MAPRE2: variants seen among roughly 807,000 people sequenced by gnomAD.
MAPRE2 encodes microtubule associated protein RP/EB family member 2, also known as microtubule-associated protein RP/EB family member 2.
In MAPRE2, 13 loss-of-function variants were observed where a neutral mutation model predicts 43.2. That is an observed-to-expected ratio of 0.30 (90% CI 0.20 to 0.48). The LOEUF is 0.48. MAPRE2 is among the 20% of genes least tolerant of loss of function. The probability of loss-of-function intolerance (pLI) is 0.99; values close to 1 mark genes in which losing one functional copy is unlikely to be tolerated. For synonymous variants in MAPRE2, 135 were observed against 148.8 expected, an observed-to-expected ratio of 0.91 and a Z score of 0.68; for missense variants, 161 against 400.2, an observed-to-expected ratio of 0.40 and a Z score of 5.10.
intron 1 of MAPRE2, chr18:35,005,395 G>A: frequency 1.5e-6 from 1 of 648,700 alleles, no homozygotes; most frequent in Non-Finnish European, 2.6e-6. Context: ...TTCCATTGCT[G>A]GCCACACCCA....
intron 1 of MAPRE2, among the ~76,000 whole-genome samples, chr18:34,980,406 T>C (rs1335316037): frequency 6.6e-6 from 1 of 152,088 alleles, no homozygotes; most frequent in Non-Finnish European, 1.5e-5. Flanking sequence ...TATCTGAACC[T>C]CTCTTAGAGC....
chr18:34,997,581 T>C (rs2551482), intron 1 of MAPRE2, among the ~76,000 whole-genome samples: 108,331 of 152,150 alleles, frequency 0.71, 38,818 homozygotes, highest in Non-Finnish European at 0.74. Flanking sequence ...TTTGGGAGGC[T>C]GAGGCGGGCG....
intron 1 of MAPRE2, among the ~76,000 whole-genome samples, chr18:35,048,418 ATG>A (rs888675912): frequency 2.6e-4 from 39 of 151,390 alleles, no homozygotes; most frequent in African/African-American, 4.8e-4. Flanking sequence ...TATACTATAT[ATG>A]TGTGTGTGTG....
At chr18:34,989,365 C>T (rs2097022595) in intron 1 of MAPRE2, among the ~76,000 whole-genome samples, 1 of 152,040 alleles carries the variant, frequency 6.6e-6, no homozygotes, top group Non-Finnish European at 1.5e-5. Context: ...CCTGGATGTC[C>T]TAGTTGATTC....
At chr18:35,028,509 TC>T (rs1568976258) in intron 2 of MAPRE2, among the ~76,000 whole-genome samples, 1 of 152,050 alleles carries the variant, frequency 6.6e-6, no homozygotes, top group Non-Finnish European at 1.5e-5. Context: ...GAAGATAACA[TC>T]CCCCAACCCC....
At chr18:35,084,316 T>A (rs190078886) in intron 2 of MAPRE2, among the ~76,000 whole-genome samples, 338 of 152,186 alleles carry the variant, frequency 2.2e-3, no homozygotes, top group African/African-American at 7.8e-3. Flanking sequence ...TTTAAAAAAG[T>A]ATTCTTGGTT....
intron 5 of MAPRE2, 91 bp from the exon 6 acceptor site, chr18:35,131,941 C>T: frequency 8.0e-7 from 1 of 1,248,876 alleles, no homozygotes; most frequent in Non-Finnish European, 1.1e-6. Flanking sequence ...CTCTCTCTCT[C>T]TCTCTTTTGG....
chr18:35,112,723 T>C (rs1433982527), intron 4 of MAPRE2, among the ~76,000 whole-genome samples: 3 of 152,226 alleles, frequency 2.0e-5, no homozygotes, highest in Non-Finnish European at 4.4e-5. Context: ...ATGTGTAAGA[T>C]GTATAAAAGA....
At chr18:35,124,822 C>A (rs1909836673) in intron 4 of MAPRE2, among the ~76,000 whole-genome samples, 1 of 152,212 alleles carries the variant, frequency 6.6e-6, no homozygotes, top group South Asian at 2.1e-4. Context: ...CCTGCCTCCC[C>A]TGCCTGCTTG....
At chr18:35,003,521 ATTC>A (rs1288809509) in intron 1 of MAPRE2, among the ~76,000 whole-genome samples, 1 of 152,154 alleles carries the variant, frequency 6.6e-6, no homozygotes, top group African/African-American at 2.4e-5. Context: ...AAATAATGTC[ATTC>A]TTCTCCAAAC....
rs902230852 is a variant in MAPRE2 at position 35,070,604 on chromosome 18, T to C, written c.250+282T>C. 10 of 212,184 alleles carry C rather than the reference T, an allele frequency of 4.7e-5. No individual in the cohort carries two copies. In the East Asian group the frequency reaches 1.1e-3, roughly 23 times the overall value. The allele number at this position is 212,184 out of a possible 1,614,324, so 13.1% of individuals were successfully genotyped here. The stretch of plus-strand genomic sequence containing the variant: ...CTGGCTCCTAGCCTCTTCTCTGTCA[T>C]CCCATCTGCCATCACACTTGCCTCC... On this transcript the variant is annotated intron_variant, in intron 2 of 6. Transcript: ENST00000300249.
At chr18:35,046,136 T>G (rs1905611016) in intron 1 of MAPRE2, among the ~76,000 whole-genome samples, 1 of 152,208 alleles carries the variant, frequency 6.6e-6, no homozygotes, top group South Asian at 2.1e-4. Context: ...AATTCTAGAT[T>G]AATTGGAAGG....
chr18:34,984,837 T>G (rs1257407630), intron 1 of MAPRE2, among the ~76,000 whole-genome samples: 1 of 125,876 alleles, frequency 7.9e-6, no homozygotes, highest in South Asian at 2.2e-4. Context: ...TATATAATAT[T>G]TTATATGTTA....
At chr18:35,073,608 C>G (rs1029229359) in intron 2 of MAPRE2, among the ~76,000 whole-genome samples, 2 of 152,152 alleles carry the variant, frequency 1.3e-5, no homozygotes, top group African/African-American at 2.4e-5. Context: ...ACTTACGCTC[C>G]AATCCTGGTG....
chr18:35,036,047 C>G (rs2097050395), intron 2 of MAPRE2, among the ~76,000 whole-genome samples: 1 of 150,980 alleles, frequency 6.6e-6, no homozygotes, highest in African/African-American at 2.4e-5. Flanking sequence ...AGGTACTTCT[C>G]TATGTCCAAA....
At chr18:35,134,273 C>G (rs964677025) in intron 6 of MAPRE2, among the ~76,000 whole-genome samples, 3 of 152,174 alleles carry the variant, frequency 2.0e-5, no homozygotes, top group African/African-American at 7.2e-5. Flanking sequence ...AATCTGAATC[C>G]TGAGTTTATG....
intron 2 of MAPRE2, among the ~76,000 whole-genome samples, chr18:35,079,880 A>G (rs1261182958): frequency 6.6e-6 from 1 of 152,274 alleles, no homozygotes; most frequent in Non-Finnish European, 1.5e-5. Context: ...AAGTTTGATC[A>G]AGGCAAAAAG....
intron 1 of MAPRE2, chr18:34,978,258 C>G (rs2097014248): frequency 1.8e-6 from 1 of 556,376 alleles, no homozygotes; most frequent in Non-Finnish European, 3.1e-6. Context: ...ACCCGCTAGG[C>G]AGGAAGAGGT....
At chr18:35,070,377 A>G (rs3744923) in intron 2 of MAPRE2, 55 bp downstream of exon 2, 620,081 of 1,436,504 alleles carry the variant, frequency 0.43, 138,392 homozygotes, top group Non-Finnish European at 0.46. Context: ...GTCATGTGGA[A>G]TGTGATTTTA....
Sources: gnomAD v4.1 joint callset for allele counts (sites outside exome capture counted in the v4.1 genomes callset) on GRCh38, gnomAD v4.1.1 for gene constraint, MANE v1.5 for transcripts, NCBI Gene and HGNC (gene_info 2026-07-23, HGNC 2026-07-21) for gene names.